The following ATP8B4 variants were observed in gnomAD, a reference collection of about 807,000 sequenced individuals.
ATP8B4 encodes the protein ATPase phospholipid transporting 8B4 (putative), also known as probable phospholipid-transporting ATPase IM.
ATP8B4 carries 133 observed loss-of-function variants against 145.6 expected under a neutral mutation model. That is an observed-to-expected ratio of 0.91 (90% confidence interval 0.79 to 1.05). The LOEUF (loss-of-function observed/expected upper bound fraction) is 1.05. Ranked by LOEUF, ATP8B4 falls within the 50% of genes least tolerant of loss-of-function variation. The pLI is 0.00. For synonymous variants in ATP8B4, 507 were observed against 492.9 expected (o/e 1.03, Z -0.38); for missense variants, 1,458 against 1,425.2 (o/e 1.02, Z -0.37).
intron 6 of ATP8B4, among the ~76,000 whole-genome samples, chr15:50,034,318 C>G (rs536124932): frequency 5.3e-5 from 8 of 150,338 alleles, no homozygotes; most frequent in African/African-American, 9.7e-5. Context: ...GCAACCTCCC[C>G]CTCTGGGTTC....
At chr15:49,920,049 ATAGAAATACAATTC>A (rs1386561917) in intron 18 of ATP8B4, among the ~76,000 whole-genome samples, 183 bp downstream of exon 18, 2 of 152,232 alleles carry the variant, frequency 1.3e-5, no homozygotes, top group Non-Finnish European at 2.9e-5. Context: ...GCTACTGCTA[ATAGAAATACAATTC>A]TAGGCTCTCT....
intron 17 of ATP8B4, among the ~76,000 whole-genome samples, chr15:49,921,553 A>C (rs995329558): frequency 6.6e-6 from 1 of 152,166 alleles, no homozygotes; most frequent in African/African-American, 2.4e-5. Flanking sequence ...TCCAGTGGTC[A>C]TTTTATGGGC....
rs150535862 is a variant in ATP8B4, at chr15:49,875,060, GT to G, written c.3027+1217del. Among the ~76,000 whole-genome samples the G allele has an allele frequency of 8.0e-4, 122 of 152,260 alleles. 1 individual carries two copies. Among genetic ancestry groups the G allele is most frequent in the African/African-American group, 2.8e-3 (117 of 41,550 alleles). On this transcript the variant is annotated intron_variant, in intron 25 of 27. Transcript: ENST00000284509. ...GATTAAGTTAACCAAAAATTGTAGG[GT>G]TAATTGTGAACACCAGTTTCACACA... is the stretch of plus-strand genomic sequence containing the variant.
chr15:50,169,749 G>A (rs1013275110), intron 1 of ATP8B4, among the ~76,000 whole-genome samples: 30 of 152,196 alleles, frequency 2.0e-4, no homozygotes, highest in African/African-American at 7.0e-4. Flanking sequence ...ACCAGAGAAA[G>A]ACAAAGCCCA....
chr15:49,910,088 T>A (rs1384884892), intron 20 of ATP8B4, among the ~76,000 whole-genome samples: 1 of 151,538 alleles, frequency 6.6e-6, no homozygotes, highest in Non-Finnish European at 1.5e-5. Context: ...AGATAAACAA[T>A]ACAAAGAAAT....
At chr15:50,086,569 T>A (rs1188201272) in intron 2 of ATP8B4, among the ~76,000 whole-genome samples, 1 of 108,352 alleles carries the variant, frequency 9.2e-6, no homozygotes, top group Non-Finnish European at 1.7e-5. Flanking sequence ...GATCTATATT[T>A]ATTATATATA....
At chr15:49,860,557 C>A in intron 27 of ATP8B4, 82 bp from the exon 28 acceptor site, 2 of 1,257,212 alleles carry the variant, frequency 1.6e-6, no homozygotes, top group Non-Finnish European at 2.1e-6. Flanking sequence ...AAGTGAAAGC[C>A]TTTTTTTTTT....
chr15:50,165,268 G>A (rs998818162), intron 1 of ATP8B4, among the ~76,000 whole-genome samples: 1 of 152,022 alleles, frequency 6.6e-6, no homozygotes, highest in African/African-American at 2.4e-5. Context: ...GGCTAGGCTG[G>A]TCTCGAACTC....
chr15:49,904,976 C>T (rs1436622173), intron 20 of ATP8B4, among the ~76,000 whole-genome samples: 1 of 152,100 alleles, frequency 6.6e-6, no homozygotes, highest in Non-Finnish European at 1.5e-5. Context: ...TCAGATCAAT[C>T]AAAATTAAAT....
At chr15:49,891,514 C>A (rs375895466) in intron 23 of ATP8B4, among the ~76,000 whole-genome samples, 1 of 152,006 alleles carries the variant, frequency 6.6e-6, no homozygotes, top group African/African-American at 2.4e-5. Context: ...TTAGTAGAGA[C>A]GAAGTTTTAC....
chr15:49,871,760 T>C (rs779539334), intron 25 of ATP8B4, among the ~76,000 whole-genome samples: 1 of 152,178 alleles, frequency 6.6e-6, no homozygotes, highest in Non-Finnish European at 1.5e-5. Flanking sequence ...ACTGGAAGCC[T>C]CTACTCATTC....
At chr15:49,944,792 C>A (rs2042431786) in intron 14 of ATP8B4, among the ~76,000 whole-genome samples, 1 of 152,016 alleles carries the variant, frequency 6.6e-6, no homozygotes, top group Non-Finnish European at 1.5e-5. Flanking sequence ...CAGACTATTG[C>A]CAAGAATAGA....
chr15:49,956,310 T>C (rs192590170), intron 14 of ATP8B4, among the ~76,000 whole-genome samples: 1 of 152,298 alleles, frequency 6.6e-6, no homozygotes, highest in East Asian at 1.9e-4. Flanking sequence ...GGTCACAGAA[T>C]CATAGAAACT....
At chr15:50,028,570 TA>T (rs1462133033) in intron 6 of ATP8B4, among the ~76,000 whole-genome samples, 5 of 152,062 alleles carry the variant, frequency 3.3e-5, no homozygotes, top group African/African-American at 1.2e-4. Flanking sequence ...TACCCAGAAG[TA>T]AAAACAACAA....
At chr15:50,050,704 A>C (rs1469407228) in intron 3 of ATP8B4, among the ~76,000 whole-genome samples, 1 of 150,188 alleles carries the variant, frequency 6.7e-6, no homozygotes, top group African/African-American at 2.5e-5. Context: ...ACCTCTCTAC[A>C]AATTAATGTT....
At chr15:49,996,247 C>T (rs937352902) in intron 9 of ATP8B4, among the ~76,000 whole-genome samples, 6 of 152,120 alleles carry the variant, frequency 3.9e-5, no homozygotes, top group African/African-American at 1.4e-4. Context: ...TACTGAAATA[C>T]ATGAGGCAGG....
At chr15:49,909,022 C>T (rs2038933992) in intron 20 of ATP8B4, among the ~76,000 whole-genome samples, 1 of 152,140 alleles carries the variant, frequency 6.6e-6, no homozygotes, top group Non-Finnish European at 1.5e-5. Flanking sequence ...AGCATTCCAC[C>T]AGAGGCCTTG....
chr15:49,897,209 A>T, intron 23 of ATP8B4, 83 bp downstream of exon 23: 1 of 1,299,778 alleles, frequency 7.7e-7, no homozygotes, highest in Non-Finnish European at 1.1e-6. Flanking sequence ...ATTTATTAGT[A>T]AAGAGCTATG....
At chr15:49,951,381 G>A (rs374470845) in intron 14 of ATP8B4, among the ~76,000 whole-genome samples, 6 of 152,174 alleles carry the variant, frequency 3.9e-5, no homozygotes, top group African/African-American at 9.7e-5. Context: ...GGTTGCTCCT[G>A]TACTGGGTGC....
Sources: gnomAD v4.1 joint callset for allele counts (sites outside exome capture counted in the v4.1 genomes callset) on GRCh38, gnomAD v4.1.1 for gene constraint, MANE v1.5 for transcripts, NCBI Gene and HGNC (gene_info 2026-07-23, HGNC 2026-07-21) for gene names.